PLAC1: variants seen among roughly 807,000 people sequenced by gnomAD.
PLAC1 encodes placenta-specific protein 1.
For missense variants in PLAC1, 136 were observed against 163.2 expected, an observed-to-expected ratio of 0.83 and a Z score of 0.91; for synonymous variants, 68 against 62.1, an observed-to-expected ratio of 1.09 and a Z score of -0.44.
intron 1 of PLAC1, among the ~76,000 whole-genome samples, chrX:134,615,883 T>C (rs190580411): frequency 0.013 from 1,442 of 111,376 alleles, 23 homozygotes; most frequent in African/African-American, 0.044. Flanking sequence ...TAGTTGACTG[T>C]GTATGCTTGG....
At chrX:134,656,094 C>T (rs1479579822) in intron 1 of PLAC1, among the ~76,000 whole-genome samples, 1 of 112,134 alleles carries the variant, frequency 8.9e-6, no homozygotes, top group East Asian at 2.8e-4. Context: ...AGAATCGTCC[C>T]CTGAACACCT....
intron 1 of PLAC1, among the ~76,000 whole-genome samples, chrX:134,747,219 C>T (rs1301788714): frequency 9.0e-6 from 1 of 111,614 alleles, no homozygotes; most frequent in Non-Finnish European, 1.9e-5. Flanking sequence ...TCTCATTAAC[C>T]CATGGCCAAT....
At chrX:134,753,791 A>G (rs1014120202) in intron 1 of PLAC1, among the ~76,000 whole-genome samples, 2 of 111,259 alleles carry the variant, frequency 1.8e-5, no homozygotes, top group Non-Finnish European at 3.8e-5. Context: ...CACATCCTGG[A>G]ACAAAGTGTT....
intron 1 of PLAC1, among the ~76,000 whole-genome samples, chrX:134,734,396 G>T (rs913584747): frequency 1.8e-5 from 2 of 112,658 alleles, no homozygotes; most frequent in African/African-American, 6.4e-5. Flanking sequence ...CAGACCCAGT[G>T]CTCCCTTTCT....
At chrX:134,574,100 A>T (rs1440324028) in intron 2 of PLAC1, among the ~76,000 whole-genome samples, 15 of 109,675 alleles carry the variant, frequency 1.4e-4, no homozygotes, top group African/African-American at 5.0e-4. Context: ...TCACACACAC[A>T]CACACACACA....
At chrX:134,653,067 CTG>C (rs2078371841) in intron 1 of PLAC1, among the ~76,000 whole-genome samples, 1 of 112,615 alleles carries the variant, frequency 8.9e-6, no homozygotes, top group Non-Finnish European at 1.9e-5. Context: ...GAATTGGAAA[CTG>C]TGGTGATGGC....
chrX:134,619,463 C>T (rs1217164466), intron 1 of PLAC1, among the ~76,000 whole-genome samples: 1 of 110,314 alleles, frequency 9.1e-6, no homozygotes, highest in African/African-American at 3.3e-5. Context: ...CCAGCCTGGC[C>T]AACATGGTGA....
chrX:134,733,065 C>T (rs992468888), intron 2 of PLAC1, among the ~76,000 whole-genome samples: 2 of 111,651 alleles, frequency 1.8e-5, no homozygotes, highest in Non-Finnish European at 3.8e-5. Flanking sequence ...TACACACACT[C>T]ACACACCCCC....
upstream of PLAC1, among the ~76,000 whole-genome samples, chrX:134,660,122 T>G (rs1389510128): frequency 2.1e-5 from 2 of 94,181 alleles, no homozygotes; most frequent in African/African-American, 3.8e-5. Flanking sequence ...TTTTTTTTTT[T>G]GAGACAGAGT....
chrX:134,588,290 T>TTTTATTTATTTTA (rs1556046907), intron 2 of PLAC1, among the ~76,000 whole-genome samples: 70 of 74,656 alleles, frequency 9.4e-4, no homozygotes, highest in Middle Eastern at 6.8e-3. Flanking sequence ...GAACTCTTTA[T>TTTTATTTATTTTA]TTTATTTATT....
At chrX:134,625,066 T>A (rs1181009929) in intron 1 of PLAC1, among the ~76,000 whole-genome samples, 1 of 111,901 alleles carries the variant, frequency 8.9e-6, no homozygotes, top group African/African-American at 3.3e-5. Flanking sequence ...GCCTACTGAC[T>A]TTCCCACATA....
At chrX:134,710,373 T>C (rs1225424492) in intron 2 of PLAC1, among the ~76,000 whole-genome samples, 1 of 111,943 alleles carries the variant, frequency 8.9e-6, no homozygotes, top group African/African-American at 3.2e-5. Flanking sequence ...TATGGGACTG[T>C]TACTCGGTAG....
chrX:134,640,466 T>C (rs767194560), intron 1 of PLAC1, among the ~76,000 whole-genome samples: 1 of 112,043 alleles, frequency 8.9e-6, no homozygotes, highest in South Asian at 3.8e-4. Flanking sequence ...CTAGCCCTTT[T>C]TCCTTCCGTC....
chrX:134,634,529 C>G (rs1421054169), intron 1 of PLAC1, among the ~76,000 whole-genome samples: 1 of 111,790 alleles, frequency 8.9e-6, no homozygotes, highest in African/African-American at 3.3e-5. Context: ...TCCCTGAATC[C>G]CCACCCTGCT....
intron 2 of PLAC1, among the ~76,000 whole-genome samples, chrX:134,680,459 T>TGAAATG (rs1215894870): frequency 9.0e-6 from 1 of 110,959 alleles, no homozygotes; most frequent in African/African-American, 3.3e-5. Context: ...AAGAGGGTCC[T>TGAAATG]GCCTGAAATA....
chrX:134,602,236 C>G (rs1008122137), intron 1 of PLAC1, 114 bp from the exon 2 acceptor site: 2 of 112,302 alleles, frequency 1.8e-5, no homozygotes, highest in African/African-American at 6.5e-5. Context: ...ACATGCGTAT[C>G]TTCCCAGCAA....
At position 134,687,386 on chromosome X, in the gene PLAC1, G is replaced by A. The variant is rs1357847601; in HGVS notation, n.174+46049C>T. ...CTTTTTTAAAACCTTACGAGTTTTT[G>A]TGTGTGTGATTTTTTTTAAGCTCAT... On this transcript the variant is annotated intron_variant and non_coding_transcript_variant, in intron 2 of 2. Transcript: ENST00000466797. Among the ~76,000 whole-genome samples, 3 of 110,942 alleles carry A rather than the reference G, an allele frequency of 2.7e-5. No homozygotes were observed. In the East Asian group the frequency reaches 8.5e-4, roughly 32 times the overall value.
intron 1 of PLAC1, among the ~76,000 whole-genome samples, chrX:134,759,825 A>T (rs1473998883): frequency 1.8e-5 from 2 of 112,326 alleles, no homozygotes; most frequent in African/African-American, 6.5e-5. Flanking sequence ...CAAAAAGACA[A>T]ATATTGAATG....
rs200761671 is a variant in PLAC1 at position 134,647,410 on chromosome X, CTGTGTG to C, written c.-131+10912_-131+10917del. ...CTTCTATGTGTGGGCATGCATGCAT[CTGTGTG>C]TGTGTGTGTGTGTGTGTGTGTGTGT... On this transcript the variant is annotated intron_variant, in intron 1 of 2. Coordinates refer to ENST00000359237, the MANE Select transcript of PLAC1 (RefSeq NM_021796.4). Among the ~76,000 whole-genome samples the C allele has an allele frequency of 2.4e-3, 216 of 90,082 alleles. 1 individual carries two copies. The highest frequency in any genetic ancestry group is 5.9e-3 in the South Asian group (10 of 1,685). 78.2% of individuals were successfully genotyped at this position (90,082 alleles called of 115,157 possible).
Sources: allele counts gnomAD v4.1 joint callset (sites outside exome capture counted in the v4.1 genomes callset), GRCh38; gene constraint gnomAD v4.1.1; transcripts MANE v1.5; gene names NCBI Gene and HGNC (gene_info 2026-07-23, HGNC 2026-07-21).